Variants in APMAP observed in about 807,000 individuals in gnomAD.
The protein encoded by APMAP is adipocyte plasma membrane associated protein.
APMAP carries 33 observed loss-of-function variants against 43.6 expected under a neutral mutation model. That is an observed-to-expected ratio of 0.76 (90% CI 0.57 to 1.01). The LOEUF (loss-of-function observed/expected upper bound fraction) is 1.01, where lower values mean the gene tolerates loss of function less well. Among genes scored for constraint, APMAP ranks in the 50% least tolerant of loss-of-function variants. The pLI is 0.00. For missense variants in APMAP, 498 were observed against 540.7 expected (o/e 0.92, Z 0.78); for synonymous variants, 224 against 216.7 (o/e 1.03, Z -0.30).
chr20:24,980,432 C>G (rs1453494618), intron 2 of APMAP, among the ~76,000 whole-genome samples: 1 of 152,204 alleles, frequency 6.6e-6, no homozygotes, highest in East Asian at 1.9e-4. Flanking sequence ...TTCGCTCGGC[C>G]TCGGTCACCT....
At chr20:24,975,687 T>C (rs754351917) in intron 3 of APMAP, among the ~76,000 whole-genome samples, 3 of 152,152 alleles carry the variant, frequency 2.0e-5, no homozygotes, top group South Asian at 2.1e-4. Context: ...AAAGTTCATA[T>C]GGAGAGGGCG....
At chr20:24,972,363 C>G (rs2088012022) in intron 4 of APMAP, among the ~76,000 whole-genome samples, 1 of 144,156 alleles carries the variant, frequency 6.9e-6, no homozygotes, top group Non-Finnish European at 1.5e-5. Flanking sequence ...GTGCTTATTG[C>G]AGGGTGTTCA....
rs2088126114 is a variant in APMAP at position 24,983,940 on chromosome 20, T to C, written c.175A>G (p.Met59Val). ...SLTVPLLGAM[M>V]LLESPIDPQP... ...GGATCTATAGGAGATTCCAGCAGCATCATGGCTCCAAGCAGGGGAACGGTG... is the reference window on the plus strand; with the variant it reads ...GGATCTATAGGAGATTCCAGCAGCACCATGGCTCCAAGCAGGGGAACGGTG... Residue 59 changes from methionine to valine, a missense_variant, in exon 2 of 9, where the codon ATG (methionine) becomes GTG (valine). Met to Val is a conservative substitution (Grantham distance 21, BLOSUM62 1). Coordinates refer to ENST00000217456, the MANE Select transcript of APMAP (RefSeq NM_020531.3). The C allele has an allele frequency of 1.9e-6, 3 of 1,613,864 alleles. No homozygotes were observed. Among genetic ancestry groups the C allele is most frequent in the Non-Finnish European group, 2.5e-6 (3 of 1,179,842 alleles).
At chr20:24,978,402 T>C (rs2088068952) in intron 3 of APMAP, among the ~76,000 whole-genome samples, 1 of 152,190 alleles carries the variant, frequency 6.6e-6, no homozygotes, top group African/African-American at 2.4e-5. Flanking sequence ...ACAAAGCAAA[T>C]GGAACTAAGA....
intron 1 of APMAP, among the ~76,000 whole-genome samples, chr20:24,989,573 G>A (rs575119182): frequency 1.3e-4 from 20 of 152,234 alleles, no homozygotes; most frequent in Non-Finnish European, 2.9e-4. Context: ...CCAAATCCAT[G>A]GGGTACCAGC....
chr20:24,978,742 C>CCCCG (rs1555845590), intron 3 of APMAP, 25 bp downstream of exon 3: 1 of 1,206,846 alleles, frequency 8.3e-7, no homozygotes, highest in Non-Finnish European at 1.2e-6. Flanking sequence ...TGGAAGGCTC[C>CCCCG]CCCCCCACCC....
chr20:24,977,061 A>G (rs1433759588), intron 3 of APMAP, among the ~76,000 whole-genome samples: 1 of 152,240 alleles, frequency 6.6e-6, no homozygotes, highest in East Asian at 1.9e-4. Context: ...AGCAAAGAGG[A>G]TTTTCAGGGC....
Position 24,969,009 on chromosome 20 carries a change from G to C in APMAP, c.924C>G (p.Ile308Met). The C allele has an allele frequency of 6.2e-7, 1 of 1,613,918 alleles. No individual in the cohort carries two copies. Among genetic ancestry groups the C allele is most frequent in the South Asian group, 1.1e-5 (1 of 91,062 alleles). ...VENMPGFPDNIRPSSSGGYWV... is the reference protein window; with the variant it reads ...VENMPGFPDNMRPSSSGGYWV... ...AGTACCCCCCAGAGCTGCTGGGCCGGATGTTGTCTGGAAATCCAGGCATGT... is the reference window on the plus strand; with the variant it reads ...AGTACCCCCCAGAGCTGCTGGGCCGCATGTTGTCTGGAAATCCAGGCATGT... The change falls in exon 8 of 9, where the codon ATC (isoleucine) becomes ATG (methionine). Residue 308 changes from isoleucine (I) to methionine (M), a missense_variant. Coordinates refer to ENST00000217456, the MANE Select transcript of APMAP (RefSeq NM_020531.3).
intron 2 of APMAP, among the ~76,000 whole-genome samples, chr20:24,979,856 G>A (rs908361540): frequency 6.6e-6 from 1 of 151,920 alleles, no homozygotes; most frequent in Non-Finnish European, 1.5e-5. Context: ...TCCCTGCTGG[G>A]TCCTAACCAC....
intron 1 of APMAP, among the ~76,000 whole-genome samples, chr20:24,991,510 C>G (rs1379797853): frequency 2.6e-5 from 4 of 152,178 alleles, no homozygotes; most frequent in African/African-American, 4.8e-5. Flanking sequence ...TCTAAATTGC[C>G]TCTCTAGAGC....
intron 1 of APMAP, among the ~76,000 whole-genome samples, 196 bp downstream of exon 1, chr20:24,992,398 G>C (rs2088201707): frequency 6.6e-6 from 1 of 152,200 alleles, no homozygotes; most frequent in Non-Finnish European, 1.5e-5. Flanking sequence ...TGAAAGACCT[G>C]GCAGGTACAT....
At chr20:24,974,014 A>G (rs974897881) in intron 3 of APMAP, among the ~76,000 whole-genome samples, 2 of 152,144 alleles carry the variant, frequency 1.3e-5, no homozygotes, top group Non-Finnish European at 2.9e-5. Context: ...AACTGTGAGG[A>G]TTTTCTCCAG....
intron 2 of APMAP, among the ~76,000 whole-genome samples, chr20:24,981,998 C>A (rs1035743413): frequency 7.9e-5 from 12 of 152,232 alleles, no homozygotes; most frequent in African/African-American, 2.9e-4. Flanking sequence ...CAAGCTCTGT[C>A]ATGTACCAGG....
At chr20:24,981,924 C>A (rs756358398) in intron 2 of APMAP, among the ~76,000 whole-genome samples, 28 of 152,332 alleles carry the variant, frequency 1.8e-4, no homozygotes, top group Non-Finnish European at 3.5e-4. Flanking sequence ...TGAGTCAGCA[C>A]CCGCTGGGAT....
At chr20:24,974,435 CAA>C (rs1054916941) in intron 3 of APMAP, among the ~76,000 whole-genome samples, 107 of 152,042 alleles carry the variant, frequency 7.0e-4, no homozygotes, top group African/African-American at 2.3e-3. Flanking sequence ...AAAATAGAAA[CAA>C]AGAATAAGGG....
Position 24,970,272 on chromosome 20 carries a change from T to C in APMAP, c.638A>G (p.Tyr213Cys). The change falls in exon 6 of 9, where the codon TAT (tyrosine) becomes TGT (cysteine). Residue 213 changes from tyrosine (Y) to cysteine (C), a missense_variant. Transcript: ENST00000217456. ...CCATTTGCTGCTAGAATCGGTGAAA[T>C]AAATCTTCCTCCCATCCTGAGTGAC... ...LTVTQDGRKI[Y>C]FTDSSSKWQR... 6.2e-7 allele frequency: 1 copy of C among 1,614,018 alleles called. No homozygotes were observed. Among genetic ancestry groups the C allele is most frequent in the East Asian group, 2.2e-5 (1 of 44,846 alleles).
rs370420110 is a variant in APMAP, at chr20:24,964,054, C to T, written c.1042-32G>A. The T allele has an allele frequency of 2.5e-6, 4 of 1,607,050 alleles. No homozygotes were observed. In the African/African-American group the frequency reaches 5.3e-5, roughly 21 times the overall value. ...GGAAGCACAGTGCAGGGAAAGTTCA[C>T]CAGCTGGCCAAGAACACTGTGCGCA... On this transcript the variant is annotated intron_variant, in intron 8 of 8. Transcript: ENST00000217456.
At chr20:24,965,661 C>T (rs1245944353) in intron 8 of APMAP, among the ~76,000 whole-genome samples, 1 of 152,356 alleles carries the variant, frequency 6.6e-6, no homozygotes, top group Admixed American at 6.5e-5. Context: ...GTGCAGGGAT[C>T]ACAGCCCTTG....
In APMAP at chr20:24,968,875, A is replaced by G; in HGVS notation, c.1041+17T>C. ...CATTTCCATTTTCTTTCTTGGAATA[A>G]CAGTTTTCACAGTTACCTTAAAAAT... On this transcript the variant is annotated intron_variant, in intron 8 of 8. Transcript: ENST00000217456. The G allele has an allele frequency of 6.4e-7, 1 of 1,561,272 alleles. No homozygotes were observed. Among genetic ancestry groups the G allele is most frequent in the Non-Finnish European group, 8.7e-7 (1 of 1,150,944 alleles).
Sources: gnomAD v4.1 joint callset for allele counts (sites outside exome capture counted in the v4.1 genomes callset) on GRCh38, gnomAD v4.1.1 for gene constraint, MANE v1.5 for transcripts, NCBI Gene and HGNC (gene_info 2026-07-23, HGNC 2026-07-21) for gene names.